Variants in DNAH5 observed in about 807,000 individuals in gnomAD.
DNAH5 encodes axonemal beta dynein heavy chain 5.
A neutral mutation model predicts 518.2 loss-of-function variants in DNAH5; 372 were observed. The ratio of observed to expected loss-of-function variants is 0.72; its 90% CI spans 0.66 to 0.78. DNAH5 has a LOEUF of 0.78. Ranked by LOEUF, DNAH5 falls within the 30% of genes least tolerant of loss-of-function variation. The pLI is 0.00. For missense variants in DNAH5, 5,523 were observed against 5,687.0 expected, an observed-to-expected ratio of 0.97 and a Z score of 0.93; for synonymous variants, 2,039 against 2,025.9, an observed-to-expected ratio of 1.01 and a Z score of -0.17.
chr5:13,773,659 A>G (rs1328686070), intron 55 of DNAH5, among the ~76,000 whole-genome samples: 1 of 152,200 alleles, frequency 6.6e-6, no homozygotes, highest in Non-Finnish European at 1.5e-5. Flanking sequence ...ACATTAATTT[A>G]GTTTTTAGTC....
chr5:13,929,440 C>T (rs1317270801), intron 2 of DNAH5, among the ~76,000 whole-genome samples: 1 of 151,404 alleles, frequency 6.6e-6, no homozygotes, highest in Non-Finnish European at 1.5e-5. Flanking sequence ...GTACTTAACA[C>T]TAATGAACTG....
At chr5:13,966,173 T>G (rs1781511691) in intron 1 of DNAH5, among the ~76,000 whole-genome samples, 1 of 152,178 alleles carries the variant, frequency 6.6e-6, no homozygotes, top group South Asian at 2.1e-4. Flanking sequence ...TTATTTTGTT[T>G]CCTTTTATGG....
At position 13,830,184 on chromosome 5, in the gene DNAH5, A is replaced by C. The variant is rs1211354932; in HGVS notation, c.6091T>G (p.Phe2031Val). ...GLAQSGSWGC[F>V]DEFNRIDLPV... Reference sequence around the variant, plus strand: ...AGATCAATACGGTTAAATTCATCAAAACAACCCCAGGATCCAGACTGTGCC... The same window carrying C: ...AGATCAATACGGTTAAATTCATCAACACAACCCCAGGATCCAGACTGTGCC... Residue 2031 changes from phenylalanine to valine, a missense_variant, in exon 37 of 79, where the codon TTT becomes GTT. Physicochemically the swap from Phe to Val is conservative, Grantham distance 50. This residue lies in a region of DNAH5 where 5,121 missense variants were observed against 5,223.3 expected (regional missense o/e 0.98). Transcript: ENST00000265104. The C allele has an allele frequency of 6.2e-7, 1 of 1,614,116 alleles. No individual in the cohort carries two copies.
chr5:13,928,381 A>G (rs1164305561), intron 2 of DNAH5, among the ~76,000 whole-genome samples: 2 of 152,270 alleles, frequency 1.3e-5, no homozygotes, highest in Admixed American at 6.5e-5. Context: ...TGTTCAAAAA[A>G]GTAATTTCAT....
chr5:13,759,032 C>T (rs1179327178), intron 60 of DNAH5, 49 bp from the exon 61 acceptor site: 3 of 1,612,018 alleles, frequency 1.9e-6, no homozygotes, highest in Non-Finnish European at 1.7e-6. Flanking sequence ...AACCTCAAAA[C>T]ATCCTGCATT....
intron 25 of DNAH5, among the ~76,000 whole-genome samples, chr5:13,866,916 G>C (rs927153627): frequency 6.6e-6 from 1 of 152,114 alleles, no homozygotes. Flanking sequence ...AGAAGATTCA[G>C]TACTTAAACC....
At chr5:13,936,617 G>A (rs568602928) in intron 1 of DNAH5, among the ~76,000 whole-genome samples, 1 of 152,328 alleles carries the variant, frequency 6.6e-6, no homozygotes, top group African/African-American at 2.4e-5. Flanking sequence ...AGAGGTTTGT[G>A]AGGGTTAAAT....
chr5:13,764,030 A>G (rs1752149348), intron 59 of DNAH5, among the ~76,000 whole-genome samples: 1 of 152,260 alleles, frequency 6.6e-6, no homozygotes, highest in South Asian at 2.1e-4. Flanking sequence ...CCCCAGACAT[A>G]GCAGTCACTT....
At chr5:13,837,793 C>A (rs1764605645) in intron 35 of DNAH5, among the ~76,000 whole-genome samples, 3 of 146,948 alleles carry the variant, frequency 2.0e-5, no homozygotes, top group Admixed American at 7.0e-5. Flanking sequence ...ACCTCCGCCT[C>A]GGGTTCAAGT....
chr5:13,957,725 A>T (rs1427622581), intron 1 of DNAH5, among the ~76,000 whole-genome samples: 1 of 151,812 alleles, frequency 6.6e-6, no homozygotes, highest in Non-Finnish European at 1.5e-5. Flanking sequence ...CTTTGAGTTG[A>T]TTTTGATCAT....
chr5:14,010,269 A>G (rs947407933), intron 1 of DNAH5, among the ~76,000 whole-genome samples: 1 of 152,200 alleles, frequency 6.6e-6, no homozygotes, highest in African/African-American at 2.4e-5. Flanking sequence ...TGGAAGTTAA[A>G]TAAGAGATAT....
intron 59 of DNAH5, among the ~76,000 whole-genome samples, chr5:13,763,392 T>G (rs1378269665): frequency 2.0e-5 from 3 of 152,240 alleles, no homozygotes; most frequent in Admixed American, 2.0e-4. Flanking sequence ...TCACCTAAAA[T>G]GTGAAGATAA....
intron 21 of DNAH5, among the ~76,000 whole-genome samples, chr5:13,879,013 G>A (rs1771274940): frequency 1.3e-5 from 2 of 151,992 alleles, no homozygotes; most frequent in Non-Finnish European, 2.9e-5. Context: ...AGGGTAGGGG[G>A]GACAAAAAAT....
intron 46 of DNAH5, 46 bp from the exon 47 acceptor site, chr5:13,807,771 G>A: frequency 6.6e-7 from 1 of 1,524,362 alleles, no homozygotes; most frequent in South Asian, 1.2e-5. Flanking sequence ...ATAAATGAGT[G>A]TGATGGGCTG....
In DNAH5 at chr5:13,865,825, G is replaced by T; in HGVS notation, c.4198C>A (p.Pro1400Thr). Residue 1400 changes from proline (P) to threonine (T), a missense_variant, in exon 27 of 79, where the codon CCT (proline) becomes ACT (threonine). Coordinates refer to ENST00000265104, the MANE Select transcript of DNAH5 (RefSeq NM_001369.3). ...ELFGLPATQY[P>T]QLLEIKKQLN... ...TGCTTCTTTATTTCAAGAAGCTGAG[G>T]ATACTGTGTAGCTGGCAGGCCAAAA... The T allele has an allele frequency of 6.2e-7, 1 of 1,613,752 alleles. No individual in the cohort carries two copies. The highest frequency in any genetic ancestry group is 8.5e-7 in the Non-Finnish European group (1 of 1,179,772).
At chr5:13,990,574 T>TA (rs1185597048) in intron 1 of DNAH5, among the ~76,000 whole-genome samples, 3 of 138,902 alleles carry the variant, frequency 2.2e-5, no homozygotes, top group Non-Finnish European at 4.7e-5. Context: ...TGAAGTAAAA[T>TA]AAAAAAATTG....
At chr5:13,695,810 A>C (rs1234359573) in intron 78 of DNAH5, among the ~76,000 whole-genome samples, 2 of 152,200 alleles carry the variant, frequency 1.3e-5, no homozygotes, top group East Asian at 3.9e-4. Context: ...CTCAGTCTCC[A>C]CACACACATA....
intron 1 of DNAH5, among the ~76,000 whole-genome samples, chr5:13,937,561 A>C (rs1176364920): frequency 6.7e-6 from 1 of 149,934 alleles, no homozygotes; most frequent in African/African-American, 2.5e-5. Context: ...TGCTGCTTCC[A>C]TCTGACAGTA....
intron 1 of DNAH5, among the ~76,000 whole-genome samples, chr5:13,933,882 C>A (rs1006461864): frequency 2.1e-4 from 32 of 151,460 alleles, no homozygotes; most frequent in African/African-American, 7.5e-4. Flanking sequence ...GGAGAGTGAC[C>A]AATAGCAACA....
Sources: allele counts gnomAD v4.1 joint callset (sites outside exome capture counted in the v4.1 genomes callset), GRCh38; gene constraint gnomAD v4.1.1; regional missense constraint gnomAD v4.1.1; transcripts MANE v1.5; gene names NCBI Gene and HGNC (gene_info 2026-07-23, HGNC 2026-07-21).